Variants in MGAT4A observed in about 807,000 individuals in gnomAD.
MGAT4A encodes N-acetylglucosaminyltransferase IVa.
A neutral mutation model predicts 74.1 loss-of-function variants in MGAT4A; 33 were observed. The ratio of observed to expected loss-of-function variants is 0.45; its 90% CI spans 0.34 to 0.60. The LOEUF (loss-of-function observed/expected upper bound fraction) is 0.60. Among genes scored for constraint, MGAT4A ranks in the 20% least tolerant of loss-of-function variants. The pLI, the probability that MGAT4A is intolerant of heterozygous loss-of-function variation, is 0.02. For missense variants in MGAT4A, 479 were observed against 628.3 expected (o/e 0.76, Z 2.54); for synonymous variants, 198 against 210.4 (o/e 0.94, Z 0.51).
rs1701061464 is a variant in MGAT4A, at chr2:98,621,601, C to T, written c.*3965G>A. 2 of 1,521,582 alleles carry T rather than the reference C, an allele frequency of 1.3e-6. No homozygotes were observed. The highest frequency in any genetic ancestry group is 1.3e-5 in the South Asian group (1 of 79,440). The allele number at this position is 1,521,582 out of a possible 1,614,324, so 94.3% of individuals were successfully genotyped here. On this transcript the variant is annotated 3_prime_UTR_variant, in exon 16 of 16. Transcript: ENST00000393487. ...AATCATGGATCAAACAGGTTCCACC[C>T]ATGCTCAAAGTGGGAGGATATTATA... is the stretch of plus-strand genomic sequence containing the variant.
intron 2 of MGAT4A, among the ~76,000 whole-genome samples, chr2:98,683,473 G>C (rs1468786535): frequency 6.6e-6 from 1 of 152,160 alleles, no homozygotes; most frequent in Non-Finnish European, 1.5e-5. Flanking sequence ...GAAGATGATA[G>C]AGGCAAAATG....
At chr2:98,666,962 T>C (rs1489074091) in intron 4 of MGAT4A, among the ~76,000 whole-genome samples, 2 of 152,170 alleles carry the variant, frequency 1.3e-5, no homozygotes, top group African/African-American at 2.4e-5. Context: ...CTTGAATTCC[T>C]ACGTGTGGTG....
chr2:98,629,194 C>T (rs181543613), intron 14 of MGAT4A, among the ~76,000 whole-genome samples: 98 of 152,260 alleles, frequency 6.4e-4, no homozygotes, highest in African/African-American at 2.2e-3. Flanking sequence ...CATGCTGTTA[C>T]ATTATGCAAT....
At chr2:98,664,645 C>T (rs1023645815) in intron 4 of MGAT4A, among the ~76,000 whole-genome samples, 2 of 152,224 alleles carry the variant, frequency 1.3e-5, no homozygotes, top group Non-Finnish European at 2.9e-5. Context: ...AATCCTTCAG[C>T]AACCCACTTC....
At chr2:98,683,176 CAGGA>C (rs1273734570) in intron 2 of MGAT4A, among the ~76,000 whole-genome samples, 2 of 152,018 alleles carry the variant, frequency 1.3e-5, no homozygotes, top group African/African-American at 4.8e-5. Flanking sequence ...AGGAAACGAC[CAGGA>C]GTAAGAGAAA....
At chr2:98,674,586 A>G (rs888251348) in intron 4 of MGAT4A, among the ~76,000 whole-genome samples, 2 of 152,264 alleles carry the variant, frequency 1.3e-5, no homozygotes, top group Non-Finnish European at 2.9e-5. Flanking sequence ...TTAGGAAAAA[A>G]GAAGCAAATC....
chr2:98,640,662 T>C (rs758479727), intron 10 of MGAT4A, among the ~76,000 whole-genome samples: 9 of 152,038 alleles, frequency 5.9e-5, no homozygotes, highest in Non-Finnish European at 7.4e-5. Flanking sequence ...CAACTTCAAG[T>C]CATAATTACA....
chr2:98,684,341 A>G (rs1702100716), intron 2 of MGAT4A, among the ~76,000 whole-genome samples: 2 of 152,198 alleles, frequency 1.3e-5, no homozygotes, highest in Admixed American at 6.5e-5. Context: ...TCATACTACC[A>G]TCTTACTGGG....
chr2:98,665,644 C>T (rs578138173), intron 4 of MGAT4A, among the ~76,000 whole-genome samples: 1 of 152,324 alleles, frequency 6.6e-6, no homozygotes, highest in Admixed American at 6.5e-5. Context: ...GGTCCCTGCC[C>T]TCATGGAACG....
At chr2:98,653,210 A>G (rs1486560474) in intron 8 of MGAT4A, among the ~76,000 whole-genome samples, 1 of 151,844 alleles carries the variant, frequency 6.6e-6, no homozygotes, top group Non-Finnish European at 1.5e-5. Context: ...CATTAAAAAA[A>G]AGAAGAAAGA....
At chr2:98,681,758 C>A (rs946782512) in intron 2 of MGAT4A, among the ~76,000 whole-genome samples, 1 of 151,966 alleles carries the variant, frequency 6.6e-6, no homozygotes, top group Non-Finnish European at 1.5e-5. Flanking sequence ...TTTGAGACCA[C>A]CCTGGGCAAC....
At chr2:98,689,620 C>T (rs1702169044) in intron 2 of MGAT4A, among the ~76,000 whole-genome samples, 1 of 152,162 alleles carries the variant, frequency 6.6e-6, no homozygotes, top group South Asian at 2.1e-4. Context: ...CTCAGAAGTT[C>T]AAGACTAGCC....
chr2:98,627,708 T>C (rs1701167478), intron 14 of MGAT4A, among the ~76,000 whole-genome samples: 1 of 152,198 alleles, frequency 6.6e-6, no homozygotes, highest in Admixed American at 6.5e-5. Flanking sequence ...TGATAATAGC[T>C]GTTGAGGGAA....
At chr2:98,716,306 A>C (rs1032194773) in intron 2 of MGAT4A, among the ~76,000 whole-genome samples, 2 of 152,182 alleles carry the variant, frequency 1.3e-5, no homozygotes, top group Admixed American at 1.3e-4. Context: ...CCTGTGTGAC[A>C]GAGTGAGACC....
chr2:98,667,142 T>C (rs1701844413), intron 4 of MGAT4A, among the ~76,000 whole-genome samples: 1 of 152,186 alleles, frequency 6.6e-6, no homozygotes, highest in Admixed American at 6.5e-5. Context: ...TTGCTCCTCC[T>C]TGCCTTCTGC....
intron 10 of MGAT4A, among the ~76,000 whole-genome samples, chr2:98,643,382 C>A (rs1445312953): frequency 6.6e-6 from 1 of 152,086 alleles, no homozygotes; most frequent in East Asian, 1.9e-4. Context: ...ATGATCAAAG[C>A]AAAAATTATT....
Position 98,674,971 on chromosome 2 carries a change from A to C in MGAT4A, c.403+64T>G. ...ACCTCCCAGACTTCTGATGGTCAAC[A>C]TAATAGTCCAAAACACATTTAACAG... On this transcript the variant is annotated intron_variant, in intron 4 of 15. Coordinates refer to ENST00000393487, the MANE Select transcript of MGAT4A (RefSeq NM_012214.3). The C allele has an allele frequency of 7.1e-6, 11 of 1,545,336 alleles. 1 individual carries two copies. The South Asian group carries it at 1.2e-4, about 17-fold the overall frequency.
chr2:98,651,558 A>G (rs1352598154), intron 8 of MGAT4A, among the ~76,000 whole-genome samples: 1 of 150,798 alleles, frequency 6.6e-6, no homozygotes, highest in African/African-American at 2.4e-5. Flanking sequence ...TATCTATTGA[A>G]TATACACAAA....
At position 98,619,535 on chromosome 2, in the gene MGAT4A, ACACTTTGCTGAT is replaced by A. The variant is rs1170423163; in HGVS notation, c.*6019_*6030del. On this transcript the variant is annotated 3_prime_UTR_variant, in exon 16 of 16. Transcript: ENST00000393487. ...ATTCCATAAATGAAACACAATTGTT[ACACTTTGCTGAT>A]TTCTAAATCTTTCTTAGAAAACATT... 6.6e-6 allele frequency: 1 copy of A among 152,194 alleles called. No individual in the cohort carries two copies. The highest frequency in any genetic ancestry group is 1.5e-5 in the Non-Finnish European group (1 of 68,026). The allele number at this position is 152,194 out of a possible 1,614,324, so 9.4% of individuals were successfully genotyped here. A position where few individuals can be genotyped will look rare whatever the true frequency, so the allele number is the denominator to read the frequency against.
Sources: gnomAD v4.1 joint callset for allele counts (sites outside exome capture counted in the v4.1 genomes callset) on GRCh38, gnomAD v4.1.1 for gene constraint, MANE v1.5 for transcripts, NCBI Gene and HGNC (gene_info 2026-07-23, HGNC 2026-07-21) for gene names.